LSG1: variants seen among roughly 807,000 people sequenced by gnomAD.
LSG1 encodes the protein large subunit GTPase 1 homolog.
LSG1 carries 55 observed loss-of-function variants against 82.6 expected under a neutral mutation model. The ratio of observed to expected loss-of-function variants is 0.67; its 90% confidence interval spans 0.54 to 0.83. The LOEUF (loss-of-function observed/expected upper bound fraction) is 0.83. Ranked by LOEUF, LSG1 falls within the 40% of genes least tolerant of loss-of-function variation. LSG1 has a pLI of 0.00. For synonymous variants in LSG1, 272 were observed against 282.5 expected (o/e 0.96, Z 0.37); for missense variants, 809 against 807.9 (o/e 1.00, Z -0.02).
At chr3:194,665,738 AC>A in intron 4 of LSG1, 95 bp from the exon 5 acceptor site, 1 of 663,750 alleles carries the variant, frequency 1.5e-6, no homozygotes. Flanking sequence ...AAAAATAAGT[AC>A]TGGGCACAAA....
At chr3:194,658,567 T>G (rs971371180) in intron 7 of LSG1, among the ~76,000 whole-genome samples, 8 of 152,236 alleles carry the variant, frequency 5.3e-5, no homozygotes, top group African/African-American at 1.9e-4. Flanking sequence ...TTTCTCTGTT[T>G]TCAAAACAAA....
rs566569677 is a variant in LSG1, at chr3:194,672,170, C to A, written c.-8G>T. The A allele has an allele frequency of 8.8e-5, 140 of 1,592,528 alleles. 1 individual carries two copies. In the South Asian group the frequency reaches 1.4e-3, roughly 16 times the overall value. ...GGCTCTCCTCCGGCCCATGGCAACA[C>A]GACCGCTGGACGAAGCTTCCCGGCT... On this transcript the variant is annotated 5_prime_UTR_variant, in exon 1 of 14. Transcript: ENST00000265245.
chr3:194,666,184 TAG>T lies in LSG1; in HGVS notation c.434+17_434+18del, dbSNP rs758471121. On this transcript the variant is annotated intron_variant, in intron 4 of 13. Coordinates refer to ENST00000265245, the MANE Select transcript of LSG1 (RefSeq NM_018385.3). ...CTCAGGATTTCAAAGTAAGTCTTCA[TAG>T]AGTCTATAATACTCACCGGACAAGC... 1 of 1,600,052 alleles carries T rather than the reference TAG, an allele frequency of 6.2e-7. No individual in the cohort carries two copies. Among genetic ancestry groups the T allele is most frequent in the Non-Finnish European group, 8.6e-7 (1 of 1,167,830 alleles).
At position 194,641,959 on chromosome 3, in the gene LSG1, AG is replaced by A. The variant is rs1718400738; in HGVS notation, c.*108del. ...GGGTGCAGCCGTGCTCTGCAAGAGC[AG>A]GGCCCGTTCTACAGTGCTAGTGTCT... On this transcript the variant is annotated 3_prime_UTR_variant, in exon 14 of 14. Coordinates refer to ENST00000265245, the MANE Select transcript of LSG1 (RefSeq NM_018385.3). 7 of 1,050,976 alleles carry A rather than the reference AG, an allele frequency of 6.7e-6. No homozygotes were observed. Among genetic ancestry groups the A allele is most frequent in the Non-Finnish European group, 9.8e-6 (7 of 716,534 alleles). 65.1% of individuals were successfully genotyped at this position (1,050,976 alleles called of 1,614,324 possible). A position where few individuals can be genotyped will look rare whatever the true frequency, so the allele number is the denominator to read the frequency against.
At chr3:194,642,374 T>G in intron 13 of LSG1, 127 bp from the exon 14 acceptor site, 1 of 621,460 alleles carries the variant, frequency 1.6e-6, no homozygotes, top group Non-Finnish European at 2.6e-6. Flanking sequence ...TCCGCCCCCC[T>G]CCCCTTCACT....
rs61660717 is a variant in LSG1 at position 194,645,581 on chromosome 3, C to G, written c.1623+583G>C. Among the ~76,000 whole-genome samples the G allele has an allele frequency of 4.8e-3, 314 of 65,568 alleles. 25 individuals are homozygous for G. Among genetic ancestry groups the G allele is most frequent in the Non-Finnish European group, 6.4e-3 (187 of 29,084 alleles). 43.0% of individuals were successfully genotyped at this position (65,568 alleles called of 152,430 possible). A position where few individuals can be genotyped will look rare whatever the true frequency, so the allele number is the denominator to read the frequency against. ...ACACACACACACACAGACAGACACA[C>G]ACACACACACACACACACACACACA... On this transcript the variant is annotated intron_variant, in intron 12 of 13. Coordinates refer to ENST00000265245, the MANE Select transcript of LSG1 (RefSeq NM_018385.3).
chr3:194,667,977 T>C (rs1719067704), intron 2 of LSG1, among the ~76,000 whole-genome samples: 2 of 124,300 alleles, frequency 1.6e-5, no homozygotes, highest in Admixed American at 8.5e-5. Flanking sequence ...ATAGCTTTAC[T>C]ACAATATGAT....
At chr3:194,651,526 A>G (rs1168514357) in intron 8 of LSG1, 3 of 332,836 alleles carry the variant, frequency 9.0e-6, no homozygotes, top group African/African-American at 2.1e-5. Context: ...CCATCTACAG[A>G]CAGTGGTTTC....
chr3:194,658,336 G>A (rs1414127920), intron 7 of LSG1, among the ~76,000 whole-genome samples: 1 of 152,000 alleles, frequency 6.6e-6, no homozygotes, highest in African/African-American at 2.4e-5. Context: ...CAGTAGAGAT[G>A]GGGTTTCTCC....
In LSG1 at chr3:194,644,030, G is replaced by GATTATT. The variant is rs1560218524; in HGVS notation, c.1797+542_1797+543insAATAAT. The stretch of plus-strand genomic sequence containing the variant: ...ATAAAGATTGATTATTGGTTGGCAG[G>GATTATT]GGCTGGGGGAAAAAAGGGGACAGGC... On this transcript the variant is annotated intron_variant, in intron 13 of 13. Transcript: ENST00000265245. Among the ~76,000 whole-genome samples the GATTATT allele has an allele frequency of 2.0e-5, 3 of 152,138 alleles. No individual in the cohort carries two copies. The East Asian group carries it at 5.8e-4, about 29-fold the overall frequency.
intron 7 of LSG1, among the ~76,000 whole-genome samples, chr3:194,658,548 G>A: frequency 6.6e-6 from 1 of 152,140 alleles, no homozygotes; most frequent in East Asian, 1.9e-4. Context: ...CTAATTTAGG[G>A]TTACTTAGTT....
rs896710105 is a variant in LSG1 at position 194,672,150 on chromosome 3, T to G, written c.13A>C (p.Arg5=). ...CCCAGCGACCCACCGGCCGGGGCTC[T>G]CCTCCGGCCCATGGCAACACGACCG... is the stretch of plus-strand genomic sequence containing the variant. The part of the protein sequence containing the change: MGRR[R]APAGGSLGRA... Residue 5 remains arginine (R), a synonymous_variant, in exon 1 of 14, where the codon AGA becomes CGA. Coordinates refer to ENST00000265245, the MANE Select transcript of LSG1 (RefSeq NM_018385.3). The G allele has an allele frequency of 6.2e-7, 1 of 1,602,700 alleles. No individual in the cohort carries two copies. Among genetic ancestry groups the G allele is most frequent in the Non-Finnish European group, 8.5e-7 (1 of 1,179,108 alleles).
chr3:194,667,942 A>AAATATAT (rs1416407494), intron 2 of LSG1, among the ~76,000 whole-genome samples: 1 of 86,968 alleles, frequency 1.1e-5, no homozygotes, highest in Non-Finnish European at 2.0e-5. Flanking sequence ...AAAAAAAAAA[A>AAATATAT]ATATATATAT....
chr3:194,657,784 C>T (rs758729745), intron 7 of LSG1, among the ~76,000 whole-genome samples: 6 of 152,072 alleles, frequency 3.9e-5, no homozygotes, highest in African/African-American at 9.7e-5. Context: ...ACAAAGAGTC[C>T]TCAGATCAAA....
intron 10 of LSG1, among the ~76,000 whole-genome samples, chr3:194,649,904 A>C (rs1457322414): frequency 6.7e-6 from 1 of 149,548 alleles, no homozygotes; most frequent in African/African-American, 2.5e-5. Flanking sequence ...CAGACCTTGC[A>C]GTTTTTTTTT....
intron 5 of LSG1, among the ~76,000 whole-genome samples, chr3:194,661,973 T>C (rs893230608): frequency 1.4e-4 from 22 of 152,166 alleles, no homozygotes; most frequent in African/African-American, 5.3e-4. Context: ...CACAGATGGT[T>C]ACCTCTGCTC....
At chr3:194,667,942 A>AATATATATATATAT (rs763693435) in intron 2 of LSG1, among the ~76,000 whole-genome samples, 1 of 86,958 alleles carries the variant, frequency 1.1e-5, no homozygotes, top group African/African-American at 4.8e-5. Context: ...AAAAAAAAAA[A>AATATATATATATAT]ATATATATAT....
chr3:194,667,857 A>G (rs886537439), intron 2 of LSG1, among the ~76,000 whole-genome samples: 45 of 141,286 alleles, frequency 3.2e-4, no homozygotes, highest in Non-Finnish European at 3.0e-4. Flanking sequence ...TGGGAGGCAG[A>G]GGTTGCAGTG....
intron 2 of LSG1, among the ~76,000 whole-genome samples, chr3:194,668,076 T>G (rs937012988): frequency 6.6e-6 from 1 of 151,436 alleles, no homozygotes; most frequent in Non-Finnish European, 1.5e-5. Context: ...CCACAATCCA[T>G]TTTAGAATAT....
Sources: allele counts gnomAD v4.1 joint callset (sites outside exome capture counted in the v4.1 genomes callset), GRCh38; gene constraint gnomAD v4.1.1; transcripts MANE v1.5; gene names NCBI Gene and HGNC (gene_info 2026-07-23, HGNC 2026-07-21).